SPIN1: variants seen among roughly 807,000 people sequenced by gnomAD.
SPIN1 encodes the protein spindlin 1, also known as spindlin-1.
In SPIN1, 3 loss-of-function variants were observed where a neutral mutation model predicts 26.0. The ratio of observed to expected loss-of-function variants is 0.12; its 90% CI spans 0.05 to 0.30. The LOEUF (loss-of-function observed/expected upper bound fraction) is 0.30. Ranked by LOEUF, SPIN1 falls within the 10% of genes least tolerant of loss-of-function variation. The probability of loss-of-function intolerance (pLI) is 1.00; values close to 1 mark genes in which losing one functional copy is unlikely to be tolerated. For synonymous variants in SPIN1, 101 were observed against 116.5 expected, an observed-to-expected ratio of 0.87 and a Z score of 0.86; for missense variants, 126 against 333.4, an observed-to-expected ratio of 0.38 and a Z score of 4.84.
chr9:88,401,081 CTG>C (rs1408442717), intron 1 of SPIN1, among the ~76,000 whole-genome samples: 1 of 152,154 alleles, frequency 6.6e-6, no homozygotes, highest in Non-Finnish European at 1.5e-5. Context: ...GTTGGTGGAA[CTG>C]TACTTTGCTA....
At chr9:88,423,752 C>G (rs1184512799) in intron 1 of SPIN1, among the ~76,000 whole-genome samples, 2 of 142,752 alleles carry the variant, frequency 1.4e-5, no homozygotes, top group Admixed American at 7.0e-5. Flanking sequence ...TAATAAAAAG[C>G]TCTTGATCTT....
chr9:88,475,323 T>A lies in SPIN1; in HGVS notation c.*46T>A. The A allele has an allele frequency of 6.3e-7, 1 of 1,579,120 alleles. No homozygotes were observed. ...AAATTTGTGGAACTATGAAATGTAT[T>A]ATTTGTAGACATAAAGACTTGATTG... is the stretch of plus-strand genomic sequence containing the variant. On this transcript the variant is annotated 3_prime_UTR_variant, in exon 6 of 6. Coordinates refer to ENST00000375859, the MANE Select transcript of SPIN1 (RefSeq NM_006717.3).
At chr9:88,399,242 C>G (rs1485205273) in intron 1 of SPIN1, among the ~76,000 whole-genome samples, 1 of 151,952 alleles carries the variant, frequency 6.6e-6, no homozygotes, top group Non-Finnish European at 1.5e-5. Context: ...CCATGTTGGC[C>G]AGGCTGGTCT....
At position 88,446,887 on chromosome 9, in the gene SPIN1, A is replaced by G. The variant is rs114742090; in HGVS notation, c.53-2054A>G. The stretch of plus-strand genomic sequence containing the variant: ...ATGGTTTTTAGAAATTTGATGAAGA[A>G]GTGCCTTGGTGTGGTTTCCTTTGTT... On this transcript the variant is annotated intron_variant, in intron 2 of 5. Coordinates refer to ENST00000375859, the MANE Select transcript of SPIN1 (RefSeq NM_006717.3). 7.4e-3 allele frequency among the ~76,000 whole-genome samples: 1,130 copies of G among 152,348 alleles called. 15 individuals carry two copies. Among genetic ancestry groups the G allele is most frequent in the African/African-American group, 0.025 (1,057 of 41,566 alleles).
At position 88,476,259 on chromosome 9, in the gene SPIN1, T is replaced by G. The variant is rs1391380913; in HGVS notation, c.*982T>G. 2 of 152,222 alleles carry G rather than the reference T, an allele frequency of 1.3e-5. No homozygotes were observed. The highest frequency in any genetic ancestry group is 2.4e-5 in the African/African-American group (1 of 41,460). 9.4% of individuals were successfully genotyped at this position (152,222 alleles called of 1,614,324 possible). A position where few individuals can be genotyped will look rare whatever the true frequency, so the allele number is the denominator to read the frequency against. Reference sequence around the variant, plus strand: ...AACAATCCATCACTGGTTTGTGTGTTTTTGGTTAAGTTTCTGGAAGAATAC... The same window carrying G: ...AACAATCCATCACTGGTTTGTGTGTGTTTGGTTAAGTTTCTGGAAGAATAC... On this transcript the variant is annotated 3_prime_UTR_variant, in exon 6 of 6. Coordinates refer to ENST00000375859, the MANE Select transcript of SPIN1 (RefSeq NM_006717.3).
chr9:88,470,948 A>AT (rs745676968), intron 5 of SPIN1, among the ~76,000 whole-genome samples: 1 of 152,248 alleles, frequency 6.6e-6, no homozygotes, highest in East Asian at 1.9e-4. Flanking sequence ...TCCCCTGCCT[A>AT]TTTTTAAATT....
intron 5 of SPIN1, among the ~76,000 whole-genome samples, chr9:88,471,731 G>A (rs868435176): frequency 6.7e-6 from 1 of 148,168 alleles, no homozygotes; most frequent in African/African-American, 2.5e-5. Flanking sequence ...TCTCAATTCT[G>A]TTGCATTAGT....
chr9:88,468,664 C>A, intron 5 of SPIN1, 59 bp downstream of exon 5: 1 of 1,093,962 alleles, frequency 9.1e-7, no homozygotes, highest in Non-Finnish European at 1.2e-6. Context: ...GACTTCAGTA[C>A]AAGATATTTG....
At chr9:88,468,259 A>T in intron 4 of SPIN1, 113 bp from the exon 5 acceptor site, 1 of 691,020 alleles carries the variant, frequency 1.4e-6, no homozygotes, top group African/African-American at 1.8e-5. Context: ...ATGCTTGCTA[A>T]TACGTTGCAT....
chr9:88,407,393 C>T (rs1827333481), intron 1 of SPIN1, among the ~76,000 whole-genome samples: 1 of 151,970 alleles, frequency 6.6e-6, no homozygotes, highest in Non-Finnish European at 1.5e-5. Context: ...GATCCATCTG[C>T]TTGGCCTCCC....
At chr9:88,399,672 A>G (rs1287141228) in intron 1 of SPIN1, among the ~76,000 whole-genome samples, 2 of 152,178 alleles carry the variant, frequency 1.3e-5, no homozygotes, top group Admixed American at 6.5e-5. Context: ...CAGTGTGTGC[A>G]AGCTGCAGGG....
At chr9:88,396,849 G>A (rs908840939) in intron 1 of SPIN1, among the ~76,000 whole-genome samples, 3 of 152,082 alleles carry the variant, frequency 2.0e-5, no homozygotes, top group Non-Finnish European at 2.9e-5. Context: ...AACCTGTACA[G>A]CATATGACTG....
chr9:88,439,164 G>GC (rs1478265831), intron 2 of SPIN1, among the ~76,000 whole-genome samples: 2 of 152,168 alleles, frequency 1.3e-5, no homozygotes, highest in African/African-American at 4.8e-5. Context: ...AGATATTCTG[G>GC]CGCTGCTACT....
intron 5 of SPIN1, among the ~76,000 whole-genome samples, chr9:88,469,482 G>C (rs949654129): frequency 6.6e-6 from 1 of 152,162 alleles, no homozygotes; most frequent in East Asian, 1.9e-4. Flanking sequence ...TGTGACCTGG[G>C]CTAATTTCAT....
intron 3 of SPIN1, among the ~76,000 whole-genome samples, chr9:88,457,455 GGGAGGT>G (rs1470853217): frequency 5.9e-5 from 9 of 152,020 alleles, no homozygotes; most frequent in Admixed American, 5.9e-4. Flanking sequence ...ACGTGAACCT[GGGAGGT>G]GGAGGTTGCA....
intron 1 of SPIN1, chr9:88,389,286 C>G (rs544276662): frequency 6.6e-6 from 1 of 152,210 alleles, no homozygotes; most frequent in Non-Finnish European, 1.5e-5. Flanking sequence ...TCGTGAGTGA[C>G]CTTGGGTGTA....
chr9:88,471,674 AAAAAAG>A (rs1564046512), intron 5 of SPIN1, among the ~76,000 whole-genome samples: 2 of 151,280 alleles, frequency 1.3e-5, no homozygotes, highest in African/African-American at 2.4e-5. Context: ...AAAAAAAAAA[AAAAAAG>A]AAAATCAGTT....
Position 88,430,457 on chromosome 9 carries a change from T to G in SPIN1, c.52+3866T>G, listed in dbSNP as rs112933105. Among the ~76,000 whole-genome samples, 1,510 of 152,274 alleles carry G rather than the reference T, an allele frequency of 9.9e-3. 29 individuals carry two copies. The highest frequency in any genetic ancestry group is 0.034 in the African/African-American group (1,408 of 41,550). ...GGCAGTCACAGAGGCTCACCAAGTT[T>G]CCAGGGAGGGAGCATAGACACTATA... is the stretch of plus-strand genomic sequence containing the variant. On this transcript the variant is annotated intron_variant, in intron 2 of 5. Coordinates refer to ENST00000375859, the MANE Select transcript of SPIN1 (RefSeq NM_006717.3).
At chr9:88,462,373 A>T in intron 3 of SPIN1, 123 bp from the exon 4 acceptor site, 2 of 1,370,632 alleles carry the variant, frequency 1.5e-6, no homozygotes, top group Middle Eastern at 2.2e-4. Flanking sequence ...GAATGTGGCA[A>T]ACATGAGTTT....
Sources: allele counts gnomAD v4.1 joint callset (sites outside exome capture counted in the v4.1 genomes callset), GRCh38; gene constraint gnomAD v4.1.1; transcripts MANE v1.5; gene names NCBI Gene and HGNC (gene_info 2026-07-23, HGNC 2026-07-21).